Variants in PRKAR2B observed in about 807,000 individuals in gnomAD.
PRKAR2B encodes protein kinase cAMP-dependent type II regulatory subunit beta, also known as cAMP-dependent protein kinase type II-beta regulatory subunit.
Under a neutral mutation model 49.9 loss-of-function variants are expected in PRKAR2B, and 14 were observed. That is an observed-to-expected ratio of 0.28 (90% CI 0.19 to 0.44). The LOEUF (loss-of-function observed/expected upper bound fraction) is 0.44, where lower values mean the gene tolerates loss of function less well. PRKAR2B is among the 20% of genes least tolerant of loss of function. The pLI is 1.00. For missense variants in PRKAR2B, 393 were observed against 537.9 expected, an observed-to-expected ratio of 0.73 and a Z score of 2.67; for synonymous variants, 196 against 197.7, an observed-to-expected ratio of 0.99 and a Z score of 0.07.
chr7:107,107,538 G>C (rs1183540527), intron 2 of PRKAR2B, among the ~76,000 whole-genome samples: 1 of 152,040 alleles, frequency 6.6e-6, no homozygotes, highest in Admixed American at 6.5e-5. Context: ...CTGCTAGACA[G>C]TAGTACAAAT....
chr7:107,048,561 G>A (rs1431149944), intron 1 of PRKAR2B, among the ~76,000 whole-genome samples: 2 of 151,678 alleles, frequency 1.3e-5, no homozygotes, highest in Non-Finnish European at 2.9e-5. Context: ...ACAAACGTAG[G>A]GATCAAGCAT....
intron 1 of PRKAR2B, among the ~76,000 whole-genome samples, chr7:107,053,569 TC>T (rs1349352347): frequency 2.0e-5 from 3 of 149,246 alleles, no homozygotes; most frequent in African/African-American, 7.5e-5. Flanking sequence ...TGTGTGTGTG[TC>T]TTTTTTAAAA....
intron 2 of PRKAR2B, among the ~76,000 whole-genome samples, chr7:107,094,681 TG>T (rs1794801203): frequency 6.6e-6 from 1 of 152,240 alleles, no homozygotes; most frequent in Admixed American, 6.5e-5. Context: ...AATTAATTTT[TG>T]TATAAGGTGT....
At chr7:107,138,746 C>T (rs544918648) in intron 4 of PRKAR2B, among the ~76,000 whole-genome samples, 2 of 151,402 alleles carry the variant, frequency 1.3e-5, no homozygotes, top group Non-Finnish European at 2.9e-5. Context: ...CGCAGTGGTG[C>T]GATCATGGCT....
chr7:107,125,647 G>T (rs773864401), intron 3 of PRKAR2B, among the ~76,000 whole-genome samples: 4 of 152,196 alleles, frequency 2.6e-5, no homozygotes, highest in Non-Finnish European at 2.9e-5. Context: ...ACTTTCCCCA[G>T]TGAAGAGGGA....
intron 3 of PRKAR2B, among the ~76,000 whole-genome samples, chr7:107,122,626 C>T (rs567508607): frequency 5.3e-5 from 8 of 152,266 alleles, no homozygotes; most frequent in Non-Finnish European, 1.0e-4. Flanking sequence ...ACCCTCCCCC[C>T]CTTTTTTTGA....
In PRKAR2B at chr7:107,070,896, A is replaced by G. The variant is rs529672071; in HGVS notation, c.343+580A>G. 7.9e-4 allele frequency among the ~76,000 whole-genome samples: 120 copies of G among 152,338 alleles called. 1 individual carries two copies. Among genetic ancestry groups the G allele is most frequent in the Admixed American group, 1.6e-3 (25 of 15,298 alleles). The stretch of plus-strand genomic sequence containing the variant: ...CTGAGGCTATTGCTGGTTTAAATAT[A>G]CTACAGTACCCTAATGTAGTCAGCA... On this transcript the variant is annotated intron_variant, in intron 2 of 10. Transcript: ENST00000265717.
At chr7:107,088,707 C>T (rs958644494) in intron 2 of PRKAR2B, among the ~76,000 whole-genome samples, 7 of 152,094 alleles carry the variant, frequency 4.6e-5, no homozygotes, top group Admixed American at 1.3e-4. Flanking sequence ...TCAGATGATC[C>T]TCCTGCCTCA....
rs527844443 is a variant in PRKAR2B at position 107,150,767 on chromosome 7, C to T, written c.742-155C>T. Among the ~76,000 whole-genome samples the T allele has an allele frequency of 8.1e-5, 12 of 148,764 alleles. No individual in the cohort carries two copies. The South Asian group carries it at 1.7e-3, about 21-fold the overall frequency. Reference sequence around the variant, plus strand: ...GTTCTGTATTATATTTTGTGCTTGACGAAATAAAAATATGAAATGAGTTGC... The same window carrying T: ...GTTCTGTATTATATTTTGTGCTTGATGAAATAAAAATATGAAATGAGTTGC... On this transcript the variant is annotated intron_variant, in intron 6 of 10. Transcript: ENST00000265717.
chr7:107,045,297 G>T (rs1793668201), intron 1 of PRKAR2B, 83 bp downstream of exon 1: 5 of 1,214,354 alleles, frequency 4.1e-6, no homozygotes, highest in South Asian at 3.3e-5. Flanking sequence ...GGATCTTGCC[G>T]CTTTGCGCAC....
chr7:107,076,262 A>T (rs902988421), intron 2 of PRKAR2B, among the ~76,000 whole-genome samples: 1 of 152,186 alleles, frequency 6.6e-6, no homozygotes, highest in Admixed American at 6.5e-5. Context: ...GGAATTTAAC[A>T]TCGATACGAT....
At chr7:107,143,096 T>C (rs141056696) in intron 5 of PRKAR2B, among the ~76,000 whole-genome samples, 174 of 152,310 alleles carry the variant, frequency 1.1e-3, no homozygotes, top group Non-Finnish European at 2.1e-3. Context: ...TTTAGACTGA[T>C]GTGATTTCAA....
At chr7:107,082,266 AC>A (rs1794528717) in intron 2 of PRKAR2B, among the ~76,000 whole-genome samples, 1 of 152,204 alleles carries the variant, frequency 6.6e-6, no homozygotes, top group Non-Finnish European at 1.5e-5. Flanking sequence ...TGAATTCTGT[AC>A]CATAAAAATA....
chr7:107,071,087 A>G (rs1364180305), intron 2 of PRKAR2B, among the ~76,000 whole-genome samples: 3 of 152,360 alleles, frequency 2.0e-5, no homozygotes, highest in Non-Finnish European at 4.4e-5. Flanking sequence ...AAAATTCACC[A>G]TATGGCTTAT....
chr7:107,113,021 G>A (rs1795203643), intron 2 of PRKAR2B, among the ~76,000 whole-genome samples: 1 of 151,994 alleles, frequency 6.6e-6, no homozygotes, highest in South Asian at 2.1e-4. Context: ...TCATCCTAAA[G>A]CCATCAGGTC....
At chr7:107,074,203 C>T (rs1046956310) in intron 2 of PRKAR2B, among the ~76,000 whole-genome samples, 2 of 152,014 alleles carry the variant, frequency 1.3e-5, no homozygotes, top group Admixed American at 1.3e-4. Flanking sequence ...GCAACCTCCA[C>T]CCTCCCAAGT....
intron 1 of PRKAR2B, among the ~76,000 whole-genome samples, chr7:107,060,651 C>T (rs1279320817): frequency 7.8e-6 from 1 of 128,076 alleles, no homozygotes; most frequent in East Asian, 2.8e-4. Flanking sequence ...TTCCTTCCTT[C>T]CTTTAATGTT....
intron 3 of PRKAR2B, among the ~76,000 whole-genome samples, chr7:107,125,496 C>T (rs1795465601): frequency 2.0e-5 from 3 of 152,142 alleles, no homozygotes. Flanking sequence ...ATTGCTGAGG[C>T]CTCAGTGATC....
At chr7:107,143,374 A>T (rs542256664) in intron 5 of PRKAR2B, among the ~76,000 whole-genome samples, 1 of 152,326 alleles carries the variant, frequency 6.6e-6, no homozygotes, top group East Asian at 1.9e-4. Context: ...ACAACAGCTT[A>T]TTCAGCATCC....
Sources: gnomAD v4.1 joint callset for allele counts (sites outside exome capture counted in the v4.1 genomes callset) on GRCh38, gnomAD v4.1.1 for gene constraint, MANE v1.5 for transcripts, NCBI Gene and HGNC (gene_info 2026-07-23, HGNC 2026-07-21) for gene names.